The following RAB5A variants were observed in gnomAD, a reference collection of about 807,000 sequenced individuals.
RAB5A encodes ras-related protein Rab-5A.
RAB5A carries 8 observed loss-of-function variants against 25.7 expected under a neutral mutation model. The ratio of observed to expected loss-of-function variants is 0.31; its 90% CI spans 0.18 to 0.56. The LOEUF (loss-of-function observed/expected upper bound fraction) is 0.56. RAB5A is among the 20% of genes least tolerant of loss of function. The probability of loss-of-function intolerance (pLI) is 0.91; values close to 1 mark genes in which losing one functional copy is unlikely to be tolerated. For synonymous variants in RAB5A, 98 were observed against 89.8 expected (o/e 1.09, Z -0.52); for missense variants, 192 against 259.7 (o/e 0.74, Z 1.79).
At chr3:19,953,655 A>G (rs1352782083) in intron 2 of RAB5A, among the ~76,000 whole-genome samples, 3 of 151,976 alleles carry the variant, frequency 2.0e-5, no homozygotes, top group African/African-American at 2.4e-5. Context: ...TGATCTGCCT[A>G]CCTCGGGCTC....
intron 2 of RAB5A, among the ~76,000 whole-genome samples, chr3:19,971,366 G>C (rs1341607220): frequency 6.6e-6 from 1 of 150,878 alleles, no homozygotes; most frequent in Admixed American, 6.6e-5. Context: ...ATTTTTTAAA[G>C]TATATTATAA....
At chr3:19,972,739 G>GTAA (rs1696768094) in intron 2 of RAB5A, among the ~76,000 whole-genome samples, 1 of 152,156 alleles carries the variant, frequency 6.6e-6, no homozygotes, top group South Asian at 2.1e-4. Context: ...AATGTACTTG[G>GTAA]TAATGGGCAT....
chr3:19,954,941 A>T (rs920394308), intron 2 of RAB5A, among the ~76,000 whole-genome samples: 2 of 152,178 alleles, frequency 1.3e-5, no homozygotes, highest in Non-Finnish European at 2.9e-5. Flanking sequence ...GCTTGTTTGT[A>T]TGGGTTTAAA....
At chr3:19,953,559 C>A (rs926808416) in intron 2 of RAB5A, among the ~76,000 whole-genome samples, 7 of 152,062 alleles carry the variant, frequency 4.6e-5, no homozygotes, top group Admixed American at 4.6e-4. Flanking sequence ...AGGCGCAAGC[C>A]ACCACTCCTG....
intron 2 of RAB5A, among the ~76,000 whole-genome samples, chr3:19,955,697 G>T (rs953040166): frequency 6.6e-6 from 1 of 152,072 alleles, no homozygotes; most frequent in Non-Finnish European, 1.5e-5. Flanking sequence ...TTCGAGACCA[G>T]CTTGCCAATG....
chr3:19,978,643 A>C, intron 5 of RAB5A: 1 of 334,804 alleles, frequency 3.0e-6, no homozygotes, highest in Non-Finnish European at 5.4e-6. Context: ...TAATACTGTC[A>C]GTTTAGGCAG....
intron 2 of RAB5A, among the ~76,000 whole-genome samples, chr3:19,962,531 T>C (rs1213700917): frequency 6.6e-6 from 1 of 151,940 alleles, no homozygotes; most frequent in East Asian, 1.9e-4. Flanking sequence ...ATTGCACCAC[T>C]GCATTTCAGC....
chr3:19,953,411 C>CTTTT lies in RAB5A; in HGVS notation c.163+2364_163+2367dup, dbSNP rs11383693. On this transcript the variant is annotated intron_variant, in intron 2 of 5. Coordinates refer to ENST00000273047, the MANE Select transcript of RAB5A (RefSeq NM_004162.5). Reference sequence around the variant, plus strand: ...ATTTGCATCCAAATTTCTGTTAATCCTTTTTTTTTTTTTTTTTGGAGACAA... The same window carrying CTTTT: ...ATTTGCATCCAAATTTCTGTTAATCCTTTTTTTTTTTTTTTTTTTTTGGAGACAA... Among the ~76,000 whole-genome samples, 51 of 134,540 alleles carry CTTTT rather than the reference C, an allele frequency of 3.8e-4. 1 individual carries two copies. The highest frequency in any genetic ancestry group is 9.9e-4 in the African/African-American group (36 of 36,496). The allele number at this position is 134,540 out of a possible 152,430, so 88.3% of individuals were successfully genotyped here. A position where few individuals can be genotyped will look rare whatever the true frequency, so the allele number is the denominator to read the frequency against.
chr3:19,974,431 GC>G (rs1228070814), intron 2 of RAB5A, among the ~76,000 whole-genome samples: 1 of 151,988 alleles, frequency 6.6e-6, no homozygotes, highest in Middle Eastern at 3.2e-3. Context: ...GGGATTACAG[GC>G]ATGAGCCACC....
chr3:19,951,475 A>C (rs934806488), intron 2 of RAB5A, among the ~76,000 whole-genome samples: 1 of 152,238 alleles, frequency 6.6e-6, no homozygotes, highest in Non-Finnish European at 1.5e-5. Flanking sequence ...AAGTATTTGC[A>C]AATAATTATA....
chr3:19,974,152 T>C (rs1320372815), intron 2 of RAB5A, among the ~76,000 whole-genome samples: 1 of 152,024 alleles, frequency 6.6e-6, no homozygotes, highest in Non-Finnish European at 1.5e-5. Context: ...TGTATCATTT[T>C]ATAATGCTAC....
intron 2 of RAB5A, among the ~76,000 whole-genome samples, chr3:19,954,833 A>C (rs902289937): frequency 1.3e-5 from 2 of 152,112 alleles, no homozygotes; most frequent in African/African-American, 4.8e-5. Flanking sequence ...AAAACAAAAC[A>C]AAGAATCCCT....
chr3:19,981,801 TGA>T (rs1193745082), intron 5 of RAB5A, among the ~76,000 whole-genome samples: 2 of 152,100 alleles, frequency 1.3e-5, no homozygotes, highest in Non-Finnish European at 2.9e-5. Context: ...AACTGCTGGT[TGA>T]GAGTGTTGTC....
chr3:19,950,006 C>G (rs1383939311), intron 1 of RAB5A, among the ~76,000 whole-genome samples: 4 of 152,090 alleles, frequency 2.6e-5, no homozygotes, highest in African/African-American at 7.2e-5. Context: ...CCACTGCACT[C>G]CAGCCTGGGT....
At chr3:19,954,294 C>T (rs1398194560) in intron 2 of RAB5A, among the ~76,000 whole-genome samples, 2 of 152,140 alleles carry the variant, frequency 1.3e-5, no homozygotes, top group South Asian at 2.1e-4. Flanking sequence ...GAATTATAGG[C>T]GTGAACCTCC....
intron 2 of RAB5A, among the ~76,000 whole-genome samples, chr3:19,961,572 A>G (rs1445591335): frequency 6.6e-6 from 1 of 152,190 alleles, no homozygotes; most frequent in Non-Finnish European, 1.5e-5. Flanking sequence ...ATATTCCTAA[A>G]TTATCACCAC....
chr3:19,965,682 T>G (rs896725386), intron 2 of RAB5A, among the ~76,000 whole-genome samples: 1 of 152,192 alleles, frequency 6.6e-6, no homozygotes, highest in African/African-American at 2.4e-5. Flanking sequence ...GATTTTAAAT[T>G]GTTTCACAAC....
intron 1 of RAB5A, among the ~76,000 whole-genome samples, chr3:19,948,972 C>T (rs991759057): frequency 3.9e-5 from 6 of 152,088 alleles, no homozygotes; most frequent in African/African-American, 1.4e-4. Flanking sequence ...ACATTATTGG[C>T]AATTTCAATC....
intron 2 of RAB5A, 76 bp from the exon 3 acceptor site, chr3:19,975,525 A>G: frequency 1.4e-6 from 2 of 1,425,954 alleles, no homozygotes; most frequent in South Asian, 2.6e-5. Context: ...TGATAGATGT[A>G]TACAAGCAGG....
Sources: allele counts gnomAD v4.1 joint callset (sites outside exome capture counted in the v4.1 genomes callset), GRCh38; gene constraint gnomAD v4.1.1; transcripts MANE v1.5; gene names NCBI Gene and HGNC (gene_info 2026-07-23, HGNC 2026-07-21).